SCAND3: variants seen among roughly 807,000 people sequenced by gnomAD.
The protein encoded by SCAND3 is SCAN domain-containing protein 3.
At chr6:28,608,773 A>G in the SCAND3 span, among the ~76,000 whole-genome samples, 1 of 152,158 alleles carries the variant, frequency 6.6e-6, no homozygotes, top group Non-Finnish European at 1.5e-5. Flanking sequence ...CTGAGGCAGG[A>G]GAATTGCTTG....
chr6:28,576,225 T>C, the SCAND3 span: 1 of 1,002,480 alleles, frequency 1.0e-6, no homozygotes, highest in South Asian at 1.8e-5. Context: ...GTGCTTGAGG[T>C]AGAAGTAGGG....
the SCAND3 span, among the ~76,000 whole-genome samples, chr6:28,606,123 A>G: frequency 3.3e-4 from 51 of 152,320 alleles, no homozygotes; most frequent in African/African-American, 1.2e-3. Flanking sequence ...ATAGAAAAGT[A>G]CTTAAGTAAA....
chr6:28,597,767 G>A, the SCAND3 span: 2 of 152,154 alleles, frequency 1.3e-5, no homozygotes, highest in Admixed American at 1.3e-4. Flanking sequence ...TGGAGGGACC[G>A]GATTATTCCT....
At chr6:28,574,155 A>G in the SCAND3 span, among the ~76,000 whole-genome samples, 2 of 152,144 alleles carry the variant, frequency 1.3e-5, no homozygotes, top group East Asian at 3.9e-4. Flanking sequence ...TCCATTAATC[A>G]TGTGCTTGGA....
chr6:28,571,911 T>C, the SCAND3 span: 1 of 1,611,452 alleles, frequency 6.2e-7, no homozygotes, highest in African/African-American at 1.3e-5. Context: ...TTTAAAGCTT[T>C]TAATGTGATA....
the SCAND3 span, chr6:28,586,887 A>G: frequency 1.6e-6 from 1 of 607,016 alleles, no homozygotes; most frequent in Non-Finnish European, 2.9e-6. This position sits in a 1 kb window ranked among gnomAD's most constrained non-coding sequence, Gnocchi z 4.4. Context: ...TTACGTGACA[A>G]CACAGGGCAG....
the SCAND3 span, among the ~76,000 whole-genome samples, chr6:28,592,270 C>T: frequency 6.6e-6 from 1 of 152,064 alleles, no homozygotes; most frequent in African/African-American, 2.4e-5. The surrounding 1 kb of genome is among the most constrained non-coding windows in gnomAD (Gnocchi z 4.1). Context: ...ATTAAACAAT[C>T]AGTAGCATTT....
chr6:28,602,947 C>CA, the SCAND3 span, among the ~76,000 whole-genome samples: 2,061 of 133,048 alleles, frequency 0.015, 52 homozygotes, highest in African/African-American at 0.044. Context: ...TTATAGCCAC[C>CA]AAAAAAAAAT....
the SCAND3 span, among the ~76,000 whole-genome samples, chr6:28,588,275 CT>C: frequency 6.6e-6 from 1 of 152,206 alleles, no homozygotes; most frequent in Admixed American, 6.5e-5. The surrounding 1 kb of genome is among the most constrained non-coding windows in gnomAD (Gnocchi z 4.1). Flanking sequence ...GTTTCCCCCC[CT>C]AACTATCCTT....
the SCAND3 span, among the ~76,000 whole-genome samples, chr6:28,614,929 C>T: frequency 6.6e-6 from 1 of 152,196 alleles, no homozygotes; most frequent in African/African-American, 2.4e-5. Context: ...AATTTTAAAA[C>T]AATATGTTCA....
At chr6:28,591,976 C>T in the SCAND3 span, among the ~76,000 whole-genome samples, 1 of 152,058 alleles carries the variant, frequency 6.6e-6, no homozygotes, top group Non-Finnish European at 1.5e-5. Flanking sequence ...TGTGTTACAC[C>T]ACATTAACAA....
the SCAND3 span, chr6:28,589,137 A>G: frequency 2.8e-4 from 43 of 151,992 alleles, no homozygotes; most frequent in East Asian, 8.3e-3. Flanking sequence ...GACCTCACAA[A>G]TCTGCCCCGG....
chr6:28,603,272 A>G, the SCAND3 span, among the ~76,000 whole-genome samples: 1 of 152,216 alleles, frequency 6.6e-6, no homozygotes, highest in Non-Finnish European at 1.5e-5. Context: ...TAAATTTTTA[A>G]ATAAAATTTT....
At chr6:28,604,419 C>G in the SCAND3 span, among the ~76,000 whole-genome samples, 1 of 151,806 alleles carries the variant, frequency 6.6e-6, no homozygotes, top group Non-Finnish European at 1.5e-5. Context: ...GAGTTCAAGA[C>G]CAGCCTGGCC....
At chr6:28,571,098 G>C in the SCAND3 span, 1 of 152,196 alleles carries the variant, frequency 6.6e-6, no homozygotes, top group African/African-American at 2.4e-5. Flanking sequence ...AGGGTCATCT[G>C]ATGTCAGGAG....
the SCAND3 span, among the ~76,000 whole-genome samples, chr6:28,607,178 G>T: frequency 2.0e-5 from 3 of 152,144 alleles, no homozygotes; most frequent in Non-Finnish European, 4.4e-5. Flanking sequence ...CAGTGGTAGA[G>T]CGCGTGCTTA....
the SCAND3 span, chr6:28,575,827 C>A: frequency 1.8e-4 from 295 of 1,613,862 alleles, no homozygotes; most frequent in Non-Finnish European, 2.4e-4. The surrounding 1 kb of genome is among the most constrained non-coding windows in gnomAD (Gnocchi z 4.2). Context: ...ATCTGTTTCC[C>A]CATTTACAGC....
At chr6:28,608,044 C>A in the SCAND3 span, among the ~76,000 whole-genome samples, 2 of 152,106 alleles carry the variant, frequency 1.3e-5, no homozygotes, top group African/African-American at 4.8e-5. Flanking sequence ...CAGAGCGAGA[C>A]CCGCTCTCTT....
the SCAND3 span, among the ~76,000 whole-genome samples, chr6:28,595,195 C>CAAAAAAAAAA: frequency 1.2e-4 from 2 of 16,118 alleles, no homozygotes; most frequent in African/African-American, 3.7e-4. Context: ...CCGTCACTAC[C>CAAAAAAAAAA]AAAAAAAAAA....
Sources: allele counts gnomAD v4.1 joint callset (sites outside exome capture counted in the v4.1 genomes callset), GRCh38; gene constraint gnomAD v4.1.1; non-coding constraint Gnocchi (gnomAD v3.1); transcripts MANE v1.5; gene names NCBI Gene and HGNC (gene_info 2026-07-23, HGNC 2026-07-21).